TAOK3: variants seen among roughly 807,000 people sequenced by gnomAD.
TAOK3 encodes TAO kinase 3, also known as serine/threonine-protein kinase TAO3.
In TAOK3, 40 loss-of-function variants were observed where a neutral mutation model predicts 120.4. The ratio of observed to expected loss-of-function variants is 0.33; its 90% CI spans 0.26 to 0.43. TAOK3 has a LOEUF of 0.43. TAOK3 is among the 20% of genes least tolerant of loss of function. TAOK3 has a pLI of 1.00. For synonymous variants in TAOK3, 355 were observed against 387.5 expected (o/e 0.92, Z 0.99); for missense variants, 821 against 1,112.1 (o/e 0.74, Z 3.72).
At chr12:118,357,338 A>C (rs1406323578) in intron 1 of TAOK3, among the ~76,000 whole-genome samples, 1 of 152,218 alleles carries the variant, frequency 6.6e-6, no homozygotes, top group African/African-American at 2.4e-5. Flanking sequence ...ACTCAGAACT[A>C]TTTTTAACTG....
intron 11 of TAOK3, among the ~76,000 whole-genome samples, chr12:118,207,125 G>C (rs1011758165): frequency 6.6e-6 from 1 of 151,912 alleles, no homozygotes; most frequent in East Asian, 1.9e-4. Context: ...TCAGGAGTTC[G>C]AGACCAGCCT....
rs187681276 is a variant in TAOK3 at position 118,333,668 on chromosome 12, T to C, written c.-194+38980A>G. ...ATTAAATTGAAAACAGGAGAAAACA[T>C]GAGAAAAATCAATGAAATCAAAACT... is the stretch of plus-strand genomic sequence containing the variant. On this transcript the variant is annotated intron_variant, in intron 1 of 20. Transcript: ENST00000392533. Among the ~76,000 whole-genome samples the C allele has an allele frequency of 7.3e-5, 11 of 149,794 alleles. No individual in the cohort carries two copies. The East Asian group carries it at 1.6e-3, about 22-fold the overall frequency.
At chr12:118,198,002 G>A (rs1018043131) in intron 13 of TAOK3, among the ~76,000 whole-genome samples, 1 of 152,092 alleles carries the variant, frequency 6.6e-6, no homozygotes, top group Non-Finnish European at 1.5e-5. Flanking sequence ...ACTTGCCCAT[G>A]TTGAAAGGAC....
At chr12:118,267,373 C>G (rs573884716) in intron 1 of TAOK3, among the ~76,000 whole-genome samples, 1 of 151,720 alleles carries the variant, frequency 6.6e-6, no homozygotes, top group African/African-American at 2.4e-5. Context: ...TGCCACCAAG[C>G]CTGGCTAATG....
At chr12:118,339,571 C>CT (rs879348420) in intron 1 of TAOK3, among the ~76,000 whole-genome samples, 2,450 of 138,456 alleles carry the variant, frequency 0.018, 17 homozygotes, top group Middle Eastern at 0.065. Flanking sequence ...TTTAGTTGCT[C>CT]TTTTTTTTTT....
intron 1 of TAOK3, among the ~76,000 whole-genome samples, chr12:118,280,863 C>G (rs2042076019): frequency 6.6e-6 from 1 of 152,150 alleles, no homozygotes; most frequent in African/African-American, 2.4e-5. Context: ...TTTGTCATCT[C>G]TGATTTATTT....
At chr12:118,219,257 G>A (rs573310116) in intron 9 of TAOK3, among the ~76,000 whole-genome samples, 27 of 151,996 alleles carry the variant, frequency 1.8e-4, no homozygotes, top group Middle Eastern at 3.4e-3. Context: ...ACATCTTTTT[G>A]TGTATGTGTG....
intron 1 of TAOK3, among the ~76,000 whole-genome samples, chr12:118,267,612 C>T (rs570784921): frequency 8.6e-5 from 13 of 151,254 alleles, no homozygotes; most frequent in South Asian, 2.1e-4. Context: ...TCCGGCCGGA[C>T]GCAGTGGCTC....
intron 5 of TAOK3, among the ~76,000 whole-genome samples, chr12:118,241,528 C>A (rs2040251128): frequency 1.3e-5 from 2 of 152,140 alleles, no homozygotes; most frequent in African/African-American, 4.8e-5. Flanking sequence ...TGTTTAAAAA[C>A]TCAGCATTTT....
intron 9 of TAOK3, among the ~76,000 whole-genome samples, chr12:118,226,391 G>T (rs1237316062): frequency 6.7e-6 from 1 of 150,234 alleles, no homozygotes. Flanking sequence ...AAAATTAGCC[G>T]GGCGTGGTGG....
chr12:118,279,555 TG>T (rs1198744134), intron 1 of TAOK3, among the ~76,000 whole-genome samples: 2 of 151,800 alleles, frequency 1.3e-5, no homozygotes, highest in Admixed American at 1.3e-4. Context: ...AGGTTTTACA[TG>T]TAAGTCTTTA....
chr12:118,340,437 A>T (rs1423939396), intron 1 of TAOK3, among the ~76,000 whole-genome samples: 3 of 152,208 alleles, frequency 2.0e-5, no homozygotes, highest in Non-Finnish European at 4.4e-5. Flanking sequence ...AATAAGGAAT[A>T]TGGATTATGA....
chr12:118,198,423 G>C (rs1399504480), intron 13 of TAOK3: 1 of 111,854 alleles, frequency 8.9e-6, no homozygotes, highest in Non-Finnish European at 1.7e-5. Flanking sequence ...GTCTCACTCT[G>C]TTGCCCAGGC....
chr12:118,314,944 A>G (rs760247639), intron 1 of TAOK3, among the ~76,000 whole-genome samples: 34 of 150,004 alleles, frequency 2.3e-4, no homozygotes, highest in Non-Finnish European at 4.7e-4. Context: ...TTTTTTTAAG[A>G]TGTAGTCTCA....
intron 1 of TAOK3, among the ~76,000 whole-genome samples, chr12:118,338,190 C>T (rs182061287): frequency 6.6e-6 from 1 of 151,924 alleles, no homozygotes; most frequent in African/African-American, 2.4e-5. Context: ...TGGTGGGATG[C>T]GGGTGGGAAG....
chr12:118,242,149 T>G (rs1354609104), intron 5 of TAOK3, among the ~76,000 whole-genome samples: 1 of 152,094 alleles, frequency 6.6e-6, no homozygotes, highest in Non-Finnish European at 1.5e-5. Context: ...TTCTGAAGAC[T>G]TGAAATACAT....
chr12:118,292,528 A>G (rs914383733), intron 1 of TAOK3, among the ~76,000 whole-genome samples: 9 of 152,174 alleles, frequency 5.9e-5, no homozygotes, highest in Non-Finnish European at 1.3e-4. Context: ...CCTTAACACT[A>G]TGAAAGAGTT....
intron 13 of TAOK3, among the ~76,000 whole-genome samples, chr12:118,197,367 GTCA>G (rs1242440691): frequency 1.3e-5 from 2 of 151,998 alleles, no homozygotes; most frequent in Non-Finnish European, 2.9e-5. Flanking sequence ...TTCTACTTAA[GTCA>G]TCACACATCA....
chr12:118,351,040 G>C (rs1039405802), intron 1 of TAOK3, among the ~76,000 whole-genome samples: 2 of 150,764 alleles, frequency 1.3e-5, no homozygotes, highest in African/African-American at 2.4e-5. Context: ...TTGGCCAGGC[G>C]TGGTGGTGCA....
Sources: allele counts gnomAD v4.1 joint callset (sites outside exome capture counted in the v4.1 genomes callset), GRCh38; gene constraint gnomAD v4.1.1; transcripts MANE v1.5; gene names NCBI Gene and HGNC (gene_info 2026-07-23, HGNC 2026-07-21).